Variants in SLC25A24 observed in about 807,000 individuals in gnomAD.
The protein encoded by SLC25A24 is mitochondrial adenyl nucleotide antiporter SLC25A24.
A neutral mutation model predicts 60.7 loss-of-function variants in SLC25A24; 49 were observed. The ratio of observed to expected loss-of-function variants is 0.81; its 90% CI spans 0.64 to 1.02. The LOEUF (loss-of-function observed/expected upper bound fraction) is 1.02. Among genes scored for constraint, SLC25A24 ranks in the 50% least tolerant of loss-of-function variants. The probability of loss-of-function intolerance (pLI) is 0.00; values close to 1 mark genes in which losing one functional copy is unlikely to be tolerated. For missense variants in SLC25A24, 564 were observed against 586.3 expected, an observed-to-expected ratio of 0.96 and a Z score of 0.39; for synonymous variants, 202 against 200.6, an observed-to-expected ratio of 1.01 and a Z score of -0.06.
At chr1:108,199,258 G>A (rs1158231134) in intron 1 of SLC25A24, 1 of 152,166 alleles carries the variant, frequency 6.6e-6, no homozygotes, top group East Asian at 1.9e-4. Flanking sequence ...CCAGTGTCAG[G>A]GAACGCTTCA....
In SLC25A24 at chr1:108,148,328, G is replaced by T. The variant is rs142582066; in HGVS notation, c.881C>A (p.Ser294Tyr). ...TGCAGTTGCTCCAGCCATGGAACCA[G>T]AAATAAATCTCTCAAATGTTCCTAT... Reference protein sequence around the residue: ...QKIGTFERFISGSMAGATAQT... With the variant: ...QKIGTFERFIYGSMAGATAQT... The change falls in exon 7 of 10, where the codon TCT becomes TAT. Residue 294 changes from serine (S) to tyrosine (Y), a missense_variant. By Grantham distance (144) the Ser-to-Tyr change is moderately radical. Coordinates refer to ENST00000565488, the MANE Select transcript of SLC25A24 (RefSeq NM_013386.5). The T allele has an allele frequency of 1.1e-5, 18 of 1,613,162 alleles. No individual in the cohort carries two copies. In the African/African-American group the frequency reaches 2.3e-4, roughly 20 times the overall value.
chr1:108,174,303 A>C (rs1245534654), intron 3 of SLC25A24, among the ~76,000 whole-genome samples: 1 of 152,244 alleles, frequency 6.6e-6, no homozygotes, highest in Non-Finnish European at 1.5e-5. Context: ...AAAGGAGCCA[A>C]GGTACAGCTC....
intron 7 of SLC25A24, among the ~76,000 whole-genome samples, chr1:108,145,812 A>G (rs1406107930): frequency 6.6e-6 from 1 of 152,110 alleles, no homozygotes; most frequent in African/African-American, 2.4e-5. Context: ...GTAGCCTTGT[A>G]GTATGTTTGA....
intron 4 of SLC25A24, among the ~76,000 whole-genome samples, chr1:108,160,068 G>T (rs1405806449): frequency 6.7e-6 from 1 of 148,864 alleles, no homozygotes; most frequent in African/African-American, 2.5e-5. Flanking sequence ...CTCACCTCCC[G>T]GATGGGGTGG....
At chr1:108,161,062 G>T in intron 4 of SLC25A24, 120 bp downstream of exon 4, 2 of 597,694 alleles carry the variant, frequency 3.3e-6, no homozygotes, top group Non-Finnish European at 5.9e-6. Context: ...AACTCTACAG[G>T]TTAAGGAGCT....
intron 4 of SLC25A24, among the ~76,000 whole-genome samples, chr1:108,160,067 C>T (rs545776893): frequency 3.9e-5 from 6 of 151,932 alleles, no homozygotes; most frequent in African/African-American, 1.4e-4. Context: ...CCTCACCTCC[C>T]GGATGGGGTG....
At chr1:108,153,880 G>T (rs1395142448) in intron 6 of SLC25A24, among the ~76,000 whole-genome samples, 1 of 152,014 alleles carries the variant, frequency 6.6e-6, no homozygotes, top group Non-Finnish European at 1.5e-5. Context: ...TGAAATAACT[G>T]CATTGAGTAT....
chr1:108,190,702 T>TAAATAAAATAA (rs1252630148), intron 1 of SLC25A24, among the ~76,000 whole-genome samples: 17 of 140,484 alleles, frequency 1.2e-4, no homozygotes, highest in East Asian at 5.1e-4. Context: ...TCTTTTTTTT[T>TAAATAAAATAA]TTTTTAATCA....
Position 108,136,825 on chromosome 1 carries a change from C to T in SLC25A24, c.1262G>A (p.Gly421Asp), listed in dbSNP as rs748622050. Reference sequence around the variant, plus strand: ...GCCAACCATATTCAGCTGTGGGGAACCTTCTAACATGGCTAAAAAATAAAA... The same window carrying T: ...GCCAACCATATTCAGCTGTGGGGAATCTTCTAACATGGCTAAAAAATAAAA... ...TRMQAQAMLEGSPQLNMVGLF... is the reference protein window; with the variant it reads ...TRMQAQAMLEDSPQLNMVGLF... Residue 421 changes from glycine (G) to aspartate (D), a missense_variant, in exon 10 of 10, where the codon GGT becomes GAT. Coordinates refer to ENST00000565488, the MANE Select transcript of SLC25A24 (RefSeq NM_013386.5). 3 of 1,613,390 alleles carry T rather than the reference C, an allele frequency of 1.9e-6. No individual in the cohort carries two copies. Among genetic ancestry groups the T allele is most frequent in the South Asian group, 2.2e-5 (2 of 90,880 alleles).
rs150738050 is a variant in SLC25A24 at position 108,168,725 on chromosome 1, T to G, written c.399-7432A>C. On this transcript the variant is annotated intron_variant, in intron 3 of 9. Transcript: ENST00000565488. ...GTCTTTTTCTTATTTACATAGTTCTTTATATCATTCATTCTAATCCTTCAA... is the reference window on the plus strand; with the variant it reads ...GTCTTTTTCTTATTTACATAGTTCTGTATATCATTCATTCTAATCCTTCAA... Among the ~76,000 whole-genome samples the G allele has an allele frequency of 8.4e-4, 128 of 152,348 alleles. 1 individual carries two copies. Among genetic ancestry groups the G allele is most frequent in the African/African-American group, 3.0e-3 (125 of 41,582 alleles).
At chr1:108,160,513 C>T (rs1336031499) in intron 4 of SLC25A24, among the ~76,000 whole-genome samples, 2 of 152,084 alleles carry the variant, frequency 1.3e-5, no homozygotes, top group Admixed American at 6.5e-5. Context: ...CGATGGGCGG[C>T]CAGGCAGAGA....
chr1:108,163,150 C>T (rs1398102063), intron 3 of SLC25A24, among the ~76,000 whole-genome samples: 1 of 116,068 alleles, frequency 8.6e-6, no homozygotes, highest in African/African-American at 3.8e-5. Flanking sequence ...TTCCATTGGT[C>T]TATATCTCTG....
In SLC25A24 at chr1:108,134,400, T is replaced by A. The variant is rs1679224017; in HGVS notation, c.*2253A>T. On this transcript the variant is annotated 3_prime_UTR_variant, in exon 10 of 10. Transcript: ENST00000565488. ...GGATGTAATCTGCATTATGAAATTT[T>A]AAAAAATTACTTACCAGTGAATTCA... The A allele has an allele frequency of 2.0e-5, 3 of 152,242 alleles. No homozygotes were observed. The highest frequency in any genetic ancestry group is 6.5e-5 in the Admixed American group (1 of 15,278). The allele number at this position is 152,242 out of a possible 1,614,324, so 9.4% of individuals were successfully genotyped here.
At position 108,200,097 on chromosome 1, in the gene SLC25A24, G is replaced by A. The variant is rs373865618; in HGVS notation, c.42C>T (p.Ala14=). The A allele has an allele frequency of 2.5e-4, 389 of 1,572,632 alleles. No individual in the cohort carries two copies. The highest frequency in any genetic ancestry group is 3.2e-4 in the Non-Finnish European group (376 of 1,159,872). ...GCGTCGGCTGCTCCGCGTCCTGGCA[G>A]GCCGCGGTGGGCAGCACGAAGTCCC... ...WLRDFVLPTA[A]CQDAEQPTRY... The change falls in exon 1 of 10, where the codon GCC becomes GCT. Residue 14 remains alanine (A), a synonymous_variant. Transcript: ENST00000565488.
In SLC25A24 at chr1:108,161,240, A is replaced by T; in HGVS notation, c.452T>A (p.Phe151Tyr). 1 of 1,605,930 alleles carries T rather than the reference A, an allele frequency of 6.2e-7. No homozygotes were observed. The highest frequency in any genetic ancestry group is 1.1e-5 in the South Asian group (1 of 90,548). ...TVDWNEWRDY[F>Y]LFNPVTDIEE... ...AATGTCTGTAACAGGATTAAATAAG[A>T]AGTAGTCTCTCCATTCATTCCAGTC... Residue 151 changes from phenylalanine (F) to tyrosine (Y), a missense_variant, in exon 4 of 10, where the codon TTC becomes TAC. Phe to Tyr is a conservative substitution (Grantham distance 22, BLOSUM62 3). Transcript: ENST00000565488.
intron 6 of SLC25A24, 134 bp from the exon 7 acceptor site, chr1:108,148,520 G>T (rs889050422): frequency 1.0e-4 from 65 of 626,980 alleles, no homozygotes; most frequent in Non-Finnish European, 1.8e-4. Context: ...GGTAATTAGG[G>T]TTATGAGGTC....
intron 3 of SLC25A24, among the ~76,000 whole-genome samples, chr1:108,175,205 A>G (rs539024863): frequency 6.6e-6 from 1 of 152,230 alleles, no homozygotes; most frequent in African/African-American, 2.4e-5. Context: ...CACAGGAGGG[A>G]CCCAGTGGGA....
chr1:108,199,785 C>T, intron 1 of SLC25A24, 171 bp downstream of exon 1: 1 of 601,886 alleles, frequency 1.7e-6, no homozygotes, highest in Non-Finnish European at 2.9e-6. Flanking sequence ...TTACCGGGGT[C>T]GCCGGTCGCG....
intron 4 of SLC25A24, among the ~76,000 whole-genome samples, chr1:108,158,344 T>C (rs779684468): frequency 5.3e-5 from 8 of 152,078 alleles, no homozygotes; most frequent in African/African-American, 2.4e-5. Flanking sequence ...GGCAGAAAAA[T>C]TTTTACAGGC....
Sources: gnomAD v4.1 joint callset for allele counts (sites outside exome capture counted in the v4.1 genomes callset) on GRCh38, gnomAD v4.1.1 for gene constraint, MANE v1.5 for transcripts, NCBI Gene and HGNC (gene_info 2026-07-23, HGNC 2026-07-21) for gene names.